HMCN1: variants seen among roughly 807,000 people sequenced by gnomAD.
The protein encoded by HMCN1 is hemicentin-1.
In HMCN1, 321 loss-of-function variants were observed where a neutral mutation model predicts 625.9. The observed-to-expected ratio is 0.51, with a 90% CI of 0.47 to 0.56. The LOEUF (loss-of-function observed/expected upper bound fraction) is 0.56, where lower values mean the gene tolerates loss of function less well. Among genes scored for constraint, HMCN1 ranks in the 20% least tolerant of loss-of-function variants. The probability of loss-of-function intolerance (pLI) is 0.00; values close to 1 mark genes in which losing one functional copy is unlikely to be tolerated. For synonymous variants in HMCN1, 2,425 were observed against 2,417.6 expected (o/e 1.00, Z -0.09); for missense variants, 6,588 against 6,887.3 (o/e 0.96, Z 1.54).
chr1:186,006,820 G>GA (rs1373638262), intron 29 of HMCN1, among the ~76,000 whole-genome samples: 1 of 151,358 alleles, frequency 6.6e-6, no homozygotes, highest in African/African-American at 2.4e-5. Flanking sequence ...AAAAAAAGCT[G>GA]AAAAAAGAAT....
intron 105 of HMCN1, among the ~76,000 whole-genome samples, chr1:186,186,561 G>A (rs945988063): frequency 7.2e-5 from 11 of 152,118 alleles, no homozygotes; most frequent in South Asian, 2.1e-4. Context: ...TAAGACCATC[G>A]GTTTGTGGCC....
chr1:185,763,470 T>C (rs1172104539), intron 1 of HMCN1, among the ~76,000 whole-genome samples: 1 of 152,230 alleles, frequency 6.6e-6, no homozygotes, highest in Non-Finnish European at 1.5e-5. Flanking sequence ...CCAGTGTTTC[T>C]GTTCTTTGCT....
chr1:186,113,019 G>A, intron 72 of HMCN1, 66 bp downstream of exon 72: 1 of 1,576,284 alleles, frequency 6.3e-7, no homozygotes, highest in Non-Finnish European at 8.7e-7. Flanking sequence ...AGAGATGATA[G>A]CTTTTTCTTA....
rs1213077135 is a variant in HMCN1 at position 186,082,887 on chromosome 1, A to G, written c.8810A>G (p.Asp2937Gly). Residue 2937 changes from aspartate (D) to glycine (G), a missense_variant, in exon 57 of 107, where the codon GAT becomes GGT. By Grantham distance (94) the Asp-to-Gly change is moderately conservative. Coordinates refer to ENST00000271588, the MANE Select transcript of HMCN1 (RefSeq NM_031935.3). Reference sequence around the variant, plus strand: ...TAGATTCTGAATACTCAAATAACAGATATCGGCAGGTATGTGTGTGTTGCT... The same window carrying G: ...TAGATTCTGAATACTCAAATAACAGGTATCGGCAGGTATGTGTGTGTTGCT... Reference protein sequence around the residue: ...ILQILNTQITDIGRYVCVAEN... With the variant: ...ILQILNTQITGIGRYVCVAEN... 2 of 1,587,552 alleles carry G rather than the reference A, an allele frequency of 1.3e-6. No individual in the cohort carries two copies. Among genetic ancestry groups the G allele is most frequent in the Non-Finnish European group, 1.7e-6 (2 of 1,165,382 alleles).
intron 4 of HMCN1, among the ~76,000 whole-genome samples, chr1:185,894,478 T>C (rs985722152): frequency 1.3e-5 from 2 of 152,240 alleles, no homozygotes; most frequent in Admixed American, 6.5e-5. Context: ...TCATTTGTTA[T>C]ACAAATGTAC....
At chr1:185,794,494 A>T (rs1422628291) in intron 1 of HMCN1, among the ~76,000 whole-genome samples, 1 of 150,462 alleles carries the variant, frequency 6.6e-6, no homozygotes, top group Non-Finnish European at 1.5e-5. Flanking sequence ...AAAAAAAGAA[A>T]AAAAAAGAAA....
intron 40 of HMCN1, 21 bp from the exon 41 acceptor site, chr1:186,045,667 G>A (rs757122013): frequency 2.5e-6 from 4 of 1,605,134 alleles, no homozygotes; most frequent in Admixed American, 1.7e-5. Flanking sequence ...TATCCTGAAA[G>A]AAAACCCATC....
intron 10 of HMCN1, 123 bp downstream of exon 10, chr1:185,928,790 T>G: frequency 9.4e-7 from 1 of 1,068,922 alleles, no homozygotes; most frequent in South Asian, 1.3e-5. Flanking sequence ...TGTCTATCTC[T>G]CCACTGAATT....
At position 186,153,799 on chromosome 1, in the gene HMCN1, A is replaced by G; in HGVS notation, c.15068A>G (p.Tyr5023Cys). The G allele has an allele frequency of 6.2e-7, 1 of 1,614,110 alleles. No homozygotes were observed. Among genetic ancestry groups the G allele is most frequent in the Non-Finnish European group, 8.5e-7 (1 of 1,180,010 alleles). ...ACAGGTCCTGGGCAGCTGTACGCCT[A>G]CTCAACCCGGCTGTTCACCATTGAT... ...IQTGPGQLYA[Y>C]STRLFTIDGI... Residue 5023 changes from tyrosine (Y) to cysteine (C), a missense_variant, in exon 97 of 107, where the codon TAC becomes TGC. Tyr to Cys is a radical substitution (Grantham distance 194). Around this residue, in one of 3 missense-constraint regions of HMCN1, gnomAD observed 1,954 missense variants for 2,013.1 expected, o/e 0.97. Transcript: ENST00000271588.
Position 186,112,849 on chromosome 1 carries a change from A to G in HMCN1, c.11027A>G (p.Tyr3676Cys), listed in dbSNP as rs147925464. ...PRVRILSGGR[Y>C]LQINNADLGD... is the part of the protein sequence containing the mutation. ...GTGCGAATCCTATCTGGAGGGAGAT[A>G]CTTGCAAATCAACAATGCTGACCTA... Residue 3676 changes from tyrosine (Y) to cysteine (C), a missense_variant, in exon 72 of 107, where the codon TAC becomes TGC. Tyr to Cys is a radical substitution (Grantham distance 194, BLOSUM62 -2). Coordinates refer to ENST00000271588, the MANE Select transcript of HMCN1 (RefSeq NM_031935.3). 6.2e-7 allele frequency: 1 copy of G among 1,614,194 alleles called. No individual in the cohort carries two copies.
chr1:186,183,197 C>T lies in HMCN1; in HGVS notation c.16414+910C>T, dbSNP rs999477004. Among the ~76,000 whole-genome samples the T allele has an allele frequency of 3.3e-5, 5 of 152,124 alleles. No individual in the cohort carries two copies. The East Asian group carries it at 5.8e-4, about 18-fold the overall frequency. On this transcript the variant is annotated intron_variant, in intron 105 of 106. Transcript: ENST00000271588. ...AGCAAATAAAAGCTCCAAAAGAGTG[C>T]TTTATCAGCAGCAATCAAATTTAGA...
At position 186,063,096 on chromosome 1, in the gene HMCN1, A is replaced by ATATATATATATATATATATG. The variant is rs1185102259; in HGVS notation, c.7513+503_7513+504insATATATATATATGTATATAT. On this transcript the variant is annotated intron_variant, in intron 48 of 106. Transcript: ENST00000271588. ...TATATATATATATATATATATATAT[A>ATATATATATATATATATATG]TATATATCACATTTTCATTACCCAA... 3.6e-3 allele frequency among the ~76,000 whole-genome samples: 419 copies of ATATATATATATATATATATG among 115,346 alleles called. 24 individuals are homozygous for ATATATATATATATATATATG. The highest frequency in any genetic ancestry group is 0.014 in the African/African-American group (360 of 26,174). The allele number at this position is 115,346 out of a possible 152,430, so 75.7% of individuals were successfully genotyped here.
intron 1 of HMCN1, among the ~76,000 whole-genome samples, chr1:185,817,733 G>A (rs1215224753): frequency 1.3e-5 from 2 of 152,112 alleles, no homozygotes. Flanking sequence ...TAAAAGTGGT[G>A]CAAGAATGGC....
In HMCN1 at chr1:186,094,292, G is replaced by A. The variant is rs910605721; in HGVS notation, c.10213G>A (p.Val3405Met). 5 of 1,613,126 alleles carry A rather than the reference G, an allele frequency of 3.1e-6. No individual in the cohort carries two copies. The highest frequency in any genetic ancestry group is 2.2e-5 in the South Asian group (2 of 91,074). The change falls in exon 67 of 107, where the codon GTG becomes ATG. Residue 3405 changes from valine (V) to methionine (M), a missense_variant. Transcript: ENST00000271588. Reference protein sequence around the residue: ...GQVIRIVRAQVSDVAVYTCVA... With the variant: ...GQVIRIVRAQMSDVAVYTCVA... ...GTTTCTCAGGATTGTGAGAGCTCAG[G>A]TGTCTGATGTCGCTGTGTATACTTG... is the stretch of plus-strand genomic sequence containing the variant.
intron 68 of HMCN1, among the ~76,000 whole-genome samples, chr1:186,099,060 GA>G (rs1366729962): frequency 1.3e-5 from 2 of 152,052 alleles, no homozygotes; most frequent in African/African-American, 4.8e-5. Context: ...GTTACAATTA[GA>G]AAGGAAGAAT....
rs750654196 is a variant in HMCN1 at position 186,041,100 on chromosome 1, G to A, written c.6268G>A (p.Gly2090Arg). The A allele has an allele frequency of 6.2e-7, 1 of 1,612,658 alleles. No individual in the cohort carries two copies. Among genetic ancestry groups the A allele is most frequent in the African/African-American group, 1.3e-5 (1 of 74,824 alleles). The change falls in exon 40 of 107, where the codon GGA becomes AGA. Residue 2090 changes from glycine (G) to arginine (R), a missense_variant. By Grantham distance (125) the Gly-to-Arg change is moderately radical. Transcript: ENST00000271588. ...CACCTGCGTGGCAGTGAATGCTGCT[G>A]GAGAAAAGCAAAGGGACATTGACCT... Reference protein sequence around the residue: ...RYTCVAVNAAGEKQRDIDLRV... With the variant: ...RYTCVAVNAAREKQRDIDLRV...
At chr1:185,777,488 T>C (rs1425487239) in intron 1 of HMCN1, among the ~76,000 whole-genome samples, 1 of 152,066 alleles carries the variant, frequency 6.6e-6, no homozygotes, top group East Asian at 1.9e-4. Flanking sequence ...AGTCTCGCTC[T>C]GTCGCCAGGC....
At position 185,925,170 on chromosome 1, in the gene HMCN1, T is replaced by TTGTCAGAAA; in HGVS notation, c.1411_1412insTCAGAAATG (p.Leu470_Gly471insValArgAsn). The TTGTCAGAAA allele has an allele frequency of 6.2e-7, 1 of 1,613,928 alleles. No homozygotes were observed. The highest frequency in any genetic ancestry group is 8.5e-7 in the Non-Finnish European group (1 of 1,179,786). ...AGCTTTGTCAGAAATGGAGTTACACTTGGAGTAGACCAGTATTTGAAGTAG... is the reference window on the plus strand; with the variant it reads ...AGCTTTGTCAGAAATGGAGTTACACTTGTCAGAAATGGAGTAGACCAGTATTTGAAGTAG... On this transcript the variant is annotated inframe_insertion, in exon 9 of 107. Transcript: ENST00000271588.
rs776115129 is a variant in HMCN1, at chr1:186,130,656, C to T, written c.13189C>T (p.Arg4397Trp). The change falls in exon 85 of 107, where the codon CGG becomes TGG. Residue 4397 changes from arginine to tryptophan, a missense_variant. Around this residue, in one of 3 missense-constraint regions of HMCN1, gnomAD observed 1,954 missense variants for 2,013.1 expected, o/e 0.97. Transcript: ENST00000271588. ...GVDIEISHRI[R>W]QLGNGSLAIY... is the part of the protein sequence containing the mutation. ...GGATATTGAAATTAGCCACAGAATCCGGCAACTGGGCAATGGCTCCCTGGC... is the reference window on the plus strand; with the variant it reads ...GGATATTGAAATTAGCCACAGAATCTGGCAACTGGGCAATGGCTCCCTGGC... 5.6e-6 allele frequency: 9 copies of T among 1,613,154 alleles called. No individual in the cohort carries two copies. The highest frequency in any genetic ancestry group is 4.4e-5 in the South Asian group (4 of 91,062).
Sources: allele counts gnomAD v4.1 joint callset (sites outside exome capture counted in the v4.1 genomes callset), GRCh38; gene constraint gnomAD v4.1.1; regional missense constraint gnomAD v4.1.1; transcripts MANE v1.5; gene names NCBI Gene and HGNC (gene_info 2026-07-23, HGNC 2026-07-21).